The following ALLC variants were observed in gnomAD, a reference collection of about 807,000 sequenced individuals.
ALLC encodes the protein probable inactive allantoicase.
A neutral mutation model predicts 45.0 loss-of-function variants in ALLC; 40 were observed. That is an observed-to-expected ratio of 0.89 (90% CI 0.69 to 1.16). ALLC has a LOEUF of 1.16. ALLC is among the 50% of genes most tolerant of loss of function. The pLI is 0.00. For synonymous variants in ALLC, 176 were observed against 178.1 expected (o/e 0.99, Z 0.09); for missense variants, 488 against 493.1 (o/e 0.99, Z 0.10).
the ALLC span, among the ~76,000 whole-genome samples, chr2:3,651,131 C>G: frequency 6.6e-6 from 1 of 151,334 alleles, no homozygotes; most frequent in Non-Finnish European, 1.5e-5. Context: ...GATGGATGAG[C>G]GCAGACACAC....
At chr2:3,691,124 T>C (rs1667505341) in intron 7 of ALLC, among the ~76,000 whole-genome samples, 1 of 152,212 alleles carries the variant, frequency 6.6e-6, no homozygotes, top group African/African-American at 2.4e-5. Flanking sequence ...TTTCAGCACT[T>C]TAAAATGTCA....
At chr2:3,659,656 A>G (rs1156808085) in intron 1 of ALLC, among the ~76,000 whole-genome samples, 1 of 152,192 alleles carries the variant, frequency 6.6e-6, no homozygotes, top group Non-Finnish European at 1.5e-5. Context: ...TATTTTATCA[A>G]CAGAAACGGC....
intron 1 of ALLC, among the ~76,000 whole-genome samples, chr2:3,661,778 T>C (rs1666583797): frequency 1.3e-5 from 2 of 152,230 alleles, no homozygotes; most frequent in African/African-American, 4.8e-5. Flanking sequence ...GTTGCTGTTA[T>C]TACAGGTCCT....
chr2:3,665,111 C>T (rs1259262990), intron 1 of ALLC, among the ~76,000 whole-genome samples: 6 of 152,100 alleles, frequency 3.9e-5, no homozygotes, highest in Non-Finnish European at 2.9e-5. Flanking sequence ...TGCCTGTTGA[C>T]CTCGGGTGGT....
Position 3,701,588 on chromosome 2 carries a change from G to C in ALLC, c.927G>C (p.Lys309Asn). 1 of 1,610,270 alleles carries C rather than the reference G, an allele frequency of 6.2e-7. No homozygotes were observed. Among genetic ancestry groups the C allele is most frequent in the South Asian group, 1.1e-5 (1 of 89,796 alleles). Residue 309 changes from lysine (K) to asparagine (N), a missense_variant, in exon 11 of 12, where the codon AAG becomes AAC. Physicochemically the swap from Lys to Asn is moderately conservative, Grantham distance 94. Coordinates refer to ENST00000252505, the MANE Select transcript of ALLC (RefSeq NM_018436.4). ...TQEEEAVIRQ[K>N]WILPAHKWKP... ...AAGAAGAAGCCGTGATCAGGCAAAA[G>C]TGGATTCTCCCGGCCCACAAGTGGA...
upstream of ALLC, among the ~76,000 whole-genome samples, chr2:3,657,416 T>C (rs2147988487): frequency 6.6e-6 from 1 of 152,344 alleles, no homozygotes; most frequent in South Asian, 2.1e-4. Context: ...GTTGTCTTTC[T>C]GGAGCCCCAA....
chr2:3,646,618 C>T, the ALLC span, among the ~76,000 whole-genome samples: 5 of 152,184 alleles, frequency 3.3e-5, no homozygotes, highest in Non-Finnish European at 5.9e-5. Context: ...GCCGCTGCCT[C>T]GCCTGCTGGA....
At chr2:3,651,611 C>T in the ALLC span, among the ~76,000 whole-genome samples, 1 of 151,802 alleles carries the variant, frequency 6.6e-6, no homozygotes, top group Non-Finnish European at 1.5e-5. Flanking sequence ...GCCACGTAGA[C>T]CTGACGACCG....
intron 7 of ALLC, among the ~76,000 whole-genome samples, chr2:3,691,642 C>G (rs1349401492): frequency 6.6e-6 from 1 of 152,078 alleles, no homozygotes; most frequent in Non-Finnish European, 1.5e-5. Context: ...GCTTTCTGTA[C>G]CAGGATATTT....
upstream of ALLC, among the ~76,000 whole-genome samples, chr2:3,655,903 G>A (rs1338689277): frequency 2.0e-5 from 3 of 152,170 alleles, no homozygotes; most frequent in Admixed American, 1.3e-4. Context: ...GCCCCTAAGC[G>A]CTGCCCTGTG....
At chr2:3,674,189 A>G in intron 3 of ALLC, 64 bp downstream of exon 3, 1 of 1,201,718 alleles carries the variant, frequency 8.3e-7, no homozygotes, top group Non-Finnish European at 1.2e-6. Context: ...CCGCCTTGTT[A>G]TTAAAATCTC....
chr2:3,665,234 C>T (rs1666674523), intron 1 of ALLC, among the ~76,000 whole-genome samples: 1 of 151,988 alleles, frequency 6.6e-6, no homozygotes, highest in Non-Finnish European at 1.5e-5. Flanking sequence ...TTATTTATTT[C>T]CCAAAGAGAA....
chr2:3,647,359 C>T, the ALLC span, among the ~76,000 whole-genome samples: 3 of 151,966 alleles, frequency 2.0e-5, no homozygotes, highest in African/African-American at 4.8e-5. Flanking sequence ...GAGAATGCCT[C>T]GGGGGTGGGC....
chr2:3,654,358 T>C (rs1666395797), upstream of ALLC, among the ~76,000 whole-genome samples: 1 of 152,232 alleles, frequency 6.6e-6, no homozygotes, highest in Non-Finnish European at 1.5e-5. Context: ...TGCAGTGGCT[T>C]TGATGGCGCA....
rs557986220 is a variant in ALLC, at chr2:3,690,647, A to G, written c.512-5070A>G. Reference sequence around the variant, plus strand: ...TGTCAACTCATCTTAGATCACAAAGAAAAAAATAGAAATAAACAAAGAAAA... The same window carrying G: ...TGTCAACTCATCTTAGATCACAAAGGAAAAAATAGAAATAAACAAAGAAAA... On this transcript the variant is annotated intron_variant, in intron 7 of 11. Coordinates refer to ENST00000252505, the MANE Select transcript of ALLC (RefSeq NM_018436.4). 4.6e-5 allele frequency among the ~76,000 whole-genome samples: 7 copies of G among 151,106 alleles called. No homozygotes were observed. In the East Asian group the frequency reaches 1.4e-3, roughly 30 times the overall value.
chr2:3,698,145 A>G (rs766058039), intron 10 of ALLC, among the ~76,000 whole-genome samples: 5 of 151,454 alleles, frequency 3.3e-5, no homozygotes, highest in Non-Finnish European at 5.9e-5. Flanking sequence ...TTGTATTGTT[A>G]GTAGAGACGG....
intron 4 of ALLC, among the ~76,000 whole-genome samples, chr2:3,678,811 C>G (rs114821937): frequency 0.013 from 2,024 of 152,198 alleles, 39 homozygotes; most frequent in African/African-American, 0.045. Flanking sequence ...GTGAGGTCTG[C>G]GGATGGAAAA....
the ALLC span, among the ~76,000 whole-genome samples, chr2:3,651,442 T>TGTGTGCATGAGG: frequency 3.9e-5 from 1 of 25,602 alleles, no homozygotes; most frequent in East Asian, 4.2e-4. Flanking sequence ...TGTGTGTGTG[T>TGTGTGCATGAGG]TAGGAAGGGA....
the ALLC span, among the ~76,000 whole-genome samples, chr2:3,652,563 C>A: frequency 5.3e-5 from 8 of 151,002 alleles, no homozygotes; most frequent in African/African-American, 1.7e-4. Context: ...TGTAACAAAC[C>A]ACCCCAAAAC....
Sources: gnomAD v4.1 joint callset for allele counts (sites outside exome capture counted in the v4.1 genomes callset) on GRCh38, gnomAD v4.1.1 for gene constraint, MANE v1.5 for transcripts, NCBI Gene and HGNC (gene_info 2026-07-23, HGNC 2026-07-21) for gene names.